Variants in SPEG observed in about 807,000 individuals in gnomAD.
The protein encoded by SPEG is striated muscle enriched protein kinase, also known as striated muscle preferentially expressed protein kinase.
Under a neutral mutation model 300.4 loss-of-function variants are expected in SPEG, and 114 were observed. That is an observed-to-expected ratio of 0.38 (90% CI 0.33 to 0.44). The LOEUF (loss-of-function observed/expected upper bound fraction) is 0.44. Among genes scored for constraint, SPEG ranks in the 20% least tolerant of loss-of-function variants. The probability of loss-of-function intolerance (pLI) is 1.00; values close to 1 mark genes in which losing one functional copy is unlikely to be tolerated. For missense variants in SPEG, 4,201 were observed against 4,586.2 expected (o/e 0.92, Z 2.43); for synonymous variants, 1,964 against 2,018.9 (o/e 0.97, Z 0.73).
In SPEG at chr2:219,435,257, T is replaced by C; in HGVS notation, c.280T>C (p.Trp94Arg). ...GCCGGCCCCCGAGCCCAGCTGCCTG[T>C]GGCTGCGGCGCTGCGGGGCGCAGGA... ...PAPAPEPSCL[W>R]LRRCGAQDAG... The change falls in exon 1 of 41, where the codon TGG becomes CGG. Residue 94 changes from tryptophan (W) to arginine (R), a missense_variant. By Grantham distance (101) the Trp-to-Arg change is moderately radical. Transcript: ENST00000312358. 1 of 1,488,814 alleles carries C rather than the reference T, an allele frequency of 6.7e-7. No homozygotes were observed. Among genetic ancestry groups the C allele is most frequent in the South Asian group, 1.3e-5 (1 of 79,076 alleles). The allele number at this position is 1,488,814 out of a possible 1,614,324, so 92.2% of individuals were successfully genotyped here. A position where few individuals can be genotyped will look rare whatever the true frequency, so the allele number is the denominator to read the frequency against.
Position 219,444,135 on chromosome 2 carries a change from C to T in SPEG, c.389-518C>T, listed in dbSNP as rs1043558251. ...CGGCCCCGGCCTCTCCTCACCCTGC[C>T]TCAGCTGCACCCGATGCCTTGCAGC... On this transcript the variant is annotated intron_variant, in intron 1 of 40. Transcript: ENST00000312358. The surrounding 1 kb of genome is among the most constrained non-coding windows in gnomAD (Gnocchi z 7.8). 21 of 1,105,834 alleles carry T rather than the reference C, an allele frequency of 1.9e-5. No homozygotes were observed. Among genetic ancestry groups the T allele is most frequent in the Non-Finnish European group, 2.6e-5 (21 of 803,438 alleles). The allele number at this position is 1,105,834 out of a possible 1,614,324, so 68.5% of individuals were successfully genotyped here.
Position 219,476,993 on chromosome 2 carries a change from G to A in SPEG, c.4560+11G>A. The A allele has an allele frequency of 1.3e-6, 2 of 1,595,366 alleles. No individual in the cohort carries two copies. Among genetic ancestry groups the A allele is most frequent in the Non-Finnish European group, 1.7e-6 (2 of 1,168,636 alleles). ...ATCATGTGGTACAAGGTCAGAGTGTGCTGCTGGCTGAGCCTGGGGGAGGGA... is the reference window on the plus strand; with the variant it reads ...ATCATGTGGTACAAGGTCAGAGTGTACTGCTGGCTGAGCCTGGGGGAGGGA... On this transcript the variant is annotated intron_variant, in intron 19 of 40. Coordinates refer to ENST00000312358, the MANE Select transcript of SPEG (RefSeq NM_005876.5).
Position 219,477,301 on chromosome 2 carries a change from A to C in SPEG, c.4585A>C (p.Ser1529Arg). The C allele has an allele frequency of 6.2e-7, 1 of 1,612,868 alleles. No individual in the cohort carries two copies. Among genetic ancestry groups the C allele is most frequent in the Non-Finnish European group, 8.5e-7 (1 of 1,179,780 alleles). The change falls in exon 20 of 41, where the codon AGC becomes CGC. Residue 1529 changes from serine (S) to arginine (R), a missense_variant. Transcript: ENST00000312358. This position sits in a 1 kb window ranked among gnomAD's most constrained non-coding sequence, Gnocchi z 6.4. ...YKDEVLLTES[S>R]HVSFVYEENE... is the part of the protein sequence containing the mutation. Reference sequence around the variant, plus strand: ...GGACGAGGTGCTGCTGACCGAGAGCAGCCATGTGAGCTTCGTGTACGAGGA... The same window carrying C: ...GGACGAGGTGCTGCTGACCGAGAGCCGCCATGTGAGCTTCGTGTACGAGGA...
Position 219,471,879 on chromosome 2 carries a change from C to T in SPEG, c.3727C>T (p.His1243Tyr), listed in dbSNP as rs746674325. ...CCCTCCCCTCCCAGACAGGGATGTC[C>T]ATCGCTTGGTGTTCCCTGCCGTGGG... ...DRRMTQYRDV[H>Y]RLVFPAVGPQ... The change falls in exon 14 of 41, where the codon CAT becomes TAT. Residue 1243 changes from histidine to tyrosine, a missense_variant. By Grantham distance (83) the His-to-Tyr change is moderately conservative. This residue lies in a region of SPEG where 1,047 missense variants were observed against 1,356.8 expected (regional missense o/e 0.77). Transcript: ENST00000312358. 1 of 1,613,932 alleles carries T rather than the reference C, an allele frequency of 6.2e-7. No homozygotes were observed. Among genetic ancestry groups the T allele is most frequent in the Non-Finnish European group, 8.5e-7 (1 of 1,180,004 alleles).
rs1235309266 is a variant in SPEG at position 219,481,542 on chromosome 2, T to C, written c.5522+86T>C. ...ACTCCCAAACTCCTGCCCCTCGACA[T>C]GCAAGCCCCCAACTCCTTAGGAGCC... On this transcript the variant is annotated intron_variant, in intron 27 of 40. Transcript: ENST00000312358. The surrounding 1 kb of genome is among the most constrained non-coding windows in gnomAD (Gnocchi z 5.4). The C allele has an allele frequency of 6.2e-7, 1 of 1,605,564 alleles. No homozygotes were observed. The highest frequency in any genetic ancestry group is 8.5e-7 in the Non-Finnish European group (1 of 1,173,328).
Position 219,444,863 on chromosome 2 carries a change from C to T in SPEG, c.517C>T (p.Pro173Ser), listed in dbSNP as rs1302984755. Residue 173 changes from proline (P) to serine (S), a missense_variant, in exon 3 of 41, where the codon CCC (proline) becomes TCC (serine). This residue lies in a region of SPEG where 1,258 missense variants were observed against 1,293.9 expected (regional missense o/e 0.97). Transcript: ENST00000312358. This position sits in a 1 kb window ranked among gnomAD's most constrained non-coding sequence, Gnocchi z 7.8. The part of the protein sequence containing the change: ...DTLVGTSLDT[P>S]PTSVTGTSEE... Reference sequence around the variant, plus strand: ...CCTGGTGGGCACCTCCCTGGACACACCCCCGACCTCCGTGACAGGCACCTC... The same window carrying T: ...CCTGGTGGGCACCTCCCTGGACACATCCCCGACCTCCGTGACAGGCACCTC... 1.3e-6 allele frequency: 2 copies of T among 1,570,476 alleles called. No homozygotes were observed. The highest frequency in any genetic ancestry group is 4.5e-5 in the East Asian group (2 of 44,516).
chr2:219,436,313 C>T (rs981938579), intron 1 of SPEG, among the ~76,000 whole-genome samples: 1 of 152,116 alleles, frequency 6.6e-6, no homozygotes, highest in African/African-American at 2.4e-5. Context: ...AGCCTTGGAT[C>T]CATTTGGGGG....
rs1690434316 is a variant in SPEG, at chr2:219,459,168, T to C, written c.2441-2714T>C. Among the ~76,000 whole-genome samples, 1 of 152,160 alleles carries C rather than the reference T, an allele frequency of 6.6e-6. No homozygotes were observed. The highest frequency in any genetic ancestry group is 2.4e-5 in the African/African-American group (1 of 41,434). On this transcript the variant is annotated intron_variant, in intron 6 of 40. Coordinates refer to ENST00000312358, the MANE Select transcript of SPEG (RefSeq NM_005876.5). This position sits in a 1 kb window ranked among gnomAD's most constrained non-coding sequence, Gnocchi z 4.9. ...GTCAGCGTGGGGGATTGGGAGCCAG[T>C]GTGAAGGGGCGGTACTTCCGTGGTG... is the stretch of plus-strand genomic sequence containing the variant.
In SPEG at chr2:219,451,802, G is replaced by T. The variant is rs754947125; in HGVS notation, c.2435G>T (p.Arg812Ile). Reference sequence around the variant, plus strand: ...ACCTGTGCCGCCTCACTGACCGTGAGACCCGGTAGGGAGCCCATCAACCCT... The same window carrying T: ...ACCTGTGCCGCCTCACTGACCGTGATACCCGGTAGGGAGCCCATCAACCCT... ...QATCAASLTV[R>I]PGGSTSPFSS... Residue 812 changes from arginine to isoleucine, a missense_variant, in exon 6 of 41, where the codon AGA (arginine) becomes ATA (isoleucine). By Grantham distance (97) the Arg-to-Ile change is moderately conservative. Around this residue, in one of 4 missense-constraint regions of SPEG, gnomAD observed 1,258 missense variants for 1,293.9 expected, o/e 0.97. Transcript: ENST00000312358. The surrounding 1 kb of genome is among the most constrained non-coding windows in gnomAD (Gnocchi z 6.4). 6.5e-7 allele frequency: 1 copy of T among 1,538,646 alleles called. No homozygotes were observed. The highest frequency in any genetic ancestry group is 1.2e-5 in the South Asian group (1 of 82,268).
chr2:219,471,987 G>A lies in SPEG; in HGVS notation c.3835G>A (p.Asp1279Asn). 1 of 1,611,736 alleles carries A rather than the reference G, an allele frequency of 6.2e-7. No homozygotes were observed. The highest frequency in any genetic ancestry group is 8.5e-7 in the Non-Finnish European group (1 of 1,179,942). Residue 1279 changes from aspartate to asparagine, a missense_variant and splice_region_variant, in exon 14 of 41, where the codon GAT (aspartate) becomes AAT (asparagine). Asp to Asn is a conservative substitution (Grantham distance 23). Coordinates refer to ENST00000312358, the MANE Select transcript of SPEG (RefSeq NM_005876.5). ...AACYAHLYVT[D>N]VVPGPPDGAP... ...CTGCTATGCCCACCTGTATGTCACA[G>A]GTGAGGCAGGCACCCTCGTGGTCAG... is the stretch of plus-strand genomic sequence containing the variant.
chr2:219,492,273 C>T lies in SPEG; in HGVS notation c.9611+13C>T. 6.2e-7 allele frequency: 1 copy of T among 1,607,584 alleles called. No homozygotes were observed. The highest frequency in any genetic ancestry group is 8.5e-7 in the Non-Finnish European group (1 of 1,175,448). On this transcript the variant is annotated intron_variant, in intron 40 of 40. Coordinates refer to ENST00000312358, the MANE Select transcript of SPEG (RefSeq NM_005876.5). ...CTGTACATCCCTGGTGAGTGAGCCC[C>T]ACACCTGCTATCCCCCAGTGTTACC...
Position 219,480,162 on chromosome 2 carries a change from G to C in SPEG, c.5342+22G>C. 3.7e-6 allele frequency: 6 copies of C among 1,610,970 alleles called. No homozygotes were observed. The highest frequency in any genetic ancestry group is 5.1e-6 in the Non-Finnish European group (6 of 1,178,206). ...TCTGGTAAGGCTGGCATGCTGGGCT[G>C]GGCCGACCAGGGCAGCTGCCCTTGG... On this transcript the variant is annotated intron_variant, in intron 25 of 40. Transcript: ENST00000312358. This position sits in a 1 kb window ranked among gnomAD's most constrained non-coding sequence, Gnocchi z 5.3.
Position 219,444,883 on chromosome 2 carries a change from C to A in SPEG, c.537C>A (p.Gly179=). Residue 179 remains glycine (G), a synonymous_variant, in exon 3 of 41, where the codon GGC becomes GGA. Transcript: ENST00000312358. The surrounding 1 kb of genome is among the most constrained non-coding windows in gnomAD (Gnocchi z 7.8). ...SLDTPPTSVT[G]TSEEQVSWWG... is the part of the protein sequence containing the mutation. The stretch of plus-strand genomic sequence containing the variant: ...ACACACCCCCGACCTCCGTGACAGG[C>A]ACCTCAGAGGAGCAAGTGAGCTGGT... 6.4e-7 allele frequency: 1 copy of A among 1,568,832 alleles called. No individual in the cohort carries two copies. Among genetic ancestry groups the A allele is most frequent in the Non-Finnish European group, 8.6e-7 (1 of 1,157,036 alleles).
intron 6 of SPEG, among the ~76,000 whole-genome samples, chr2:219,453,611 A>C (rs1449769273): frequency 6.6e-6 from 1 of 152,160 alleles, no homozygotes; most frequent in African/African-American, 2.4e-5. Flanking sequence ...AGCTCATCAC[A>C]GCATCTCGGC....
chr2:219,440,223 A>G (rs113283770), intron 1 of SPEG, among the ~76,000 whole-genome samples: 3 of 152,016 alleles, frequency 2.0e-5, no homozygotes, highest in Admixed American at 6.5e-5. Flanking sequence ...TCTCTACTTA[A>G]TATTTTTTTA....
rs995794993 is a variant in SPEG at position 219,443,373 on chromosome 2, G to A, written c.389-1280G>A. On this transcript the variant is annotated intron_variant, in intron 1 of 40. Transcript: ENST00000312358. This position sits in a 1 kb window ranked among gnomAD's most constrained non-coding sequence, Gnocchi z 4.6. ...GCGGCTCACTAGCACACCCCTGCATGGACTGGGTGCCCTGTTCTCCATGTG... is the reference window on the plus strand; with the variant it reads ...GCGGCTCACTAGCACACCCCTGCATAGACTGGGTGCCCTGTTCTCCATGTG... 1 of 593,074 alleles carries A rather than the reference G, an allele frequency of 1.7e-6. No homozygotes were observed. Among genetic ancestry groups the A allele is most frequent in the African/African-American group, 1.9e-5 (1 of 54,000 alleles). 36.7% of individuals were successfully genotyped at this position (593,074 alleles called of 1,614,324 possible).
At position 219,435,277 on chromosome 2, in the gene SPEG, G is replaced by A; in HGVS notation, c.300G>A (p.Ala100=). ...GCCTGTGGCTGCGGCGCTGCGGGGC[G>A]CAGGACGCCGGCGTGTACAGCTGCA... ...PSCLWLRRCG[A]QDAGVYSCMA... is the part of the protein sequence containing the mutation. The change falls in exon 1 of 41, where the codon GCG becomes GCA. Residue 100 remains alanine, a synonymous_variant. Transcript: ENST00000312358. The A allele has an allele frequency of 1.3e-6, 2 of 1,499,848 alleles. No homozygotes were observed. The highest frequency in any genetic ancestry group is 1.2e-5 in the South Asian group (1 of 80,976). 92.9% of individuals were successfully genotyped at this position (1,499,848 alleles called of 1,614,324 possible). A position where few individuals can be genotyped will look rare whatever the true frequency, so the allele number is the denominator to read the frequency against.
At chr2:219,447,208 C>T (rs972258594) in intron 3 of SPEG, among the ~76,000 whole-genome samples, 70 of 15,898 alleles carry the variant, frequency 4.4e-3, no homozygotes, top group Admixed American at 0.012. Flanking sequence ...CAGAGCATAT[C>T]CCTGTGGGGG....
chr2:219,462,420 A>G lies in SPEG; in HGVS notation c.2705+34A>G, dbSNP rs143676769. 9.9e-3 allele frequency: 15,017 copies of G among 1,510,148 alleles called. 119 individuals carry two copies. Among genetic ancestry groups the G allele is most frequent in the South Asian group, 0.021 (1,701 of 82,658 alleles). 93.5% of individuals were successfully genotyped at this position (1,510,148 alleles called of 1,614,324 possible). Reference sequence around the variant, plus strand: ...CCGCACTTTCCACCACCCACCAGCGACTCTATGCCAGGCCTGGCTCTGGGA... The same window carrying G: ...CCGCACTTTCCACCACCCACCAGCGGCTCTATGCCAGGCCTGGCTCTGGGA... On this transcript the variant is annotated intron_variant, in intron 8 of 40. Transcript: ENST00000312358.
Sources: allele counts gnomAD v4.1 joint callset (sites outside exome capture counted in the v4.1 genomes callset), GRCh38; gene constraint gnomAD v4.1.1; regional missense constraint gnomAD v4.1.1; non-coding constraint Gnocchi (gnomAD v3.1); transcripts MANE v1.5; gene names NCBI Gene and HGNC (gene_info 2026-07-23, HGNC 2026-07-21).